KIAA0319L: variants seen among roughly 807,000 people sequenced by gnomAD.
The protein encoded by KIAA0319L is dyslexia-associated protein KIAA0319-like protein.
In KIAA0319L, 55 loss-of-function variants were observed where a neutral mutation model predicts 120.1. That is an observed-to-expected ratio of 0.46 (90% CI 0.37 to 0.57). The LOEUF (loss-of-function observed/expected upper bound fraction) is 0.57, where lower values mean the gene tolerates loss of function less well. Ranked by LOEUF, KIAA0319L falls within the 20% of genes least tolerant of loss-of-function variation. The pLI is 0.00. For missense variants in KIAA0319L, 1,049 were observed against 1,255.3 expected, an observed-to-expected ratio of 0.84 and a Z score of 2.48; for synonymous variants, 398 against 471.9, an observed-to-expected ratio of 0.84 and a Z score of 2.03.
chr1:35,457,967 G>C (rs961042977), intron 9 of KIAA0319L, among the ~76,000 whole-genome samples: 1 of 152,132 alleles, frequency 6.6e-6, no homozygotes, highest in South Asian at 2.1e-4. Flanking sequence ...ACGGAGTCTC[G>C]CTCTGTCGCC....
Position 35,533,289 on chromosome 1 carries a change from C to T in KIAA0319L, c.142+21061G>A, listed in dbSNP as rs554004003. On this transcript the variant is annotated intron_variant, in intron 2 of 20. Coordinates refer to ENST00000325722, the MANE Select transcript of KIAA0319L (RefSeq NM_024874.5). Reference sequence around the variant, plus strand: ...TTTCAGGAGTCATACTGTTAGTGTCCAGAAATGTAAATTCTAACTAAATTC... The same window carrying T: ...TTTCAGGAGTCATACTGTTAGTGTCTAGAAATGTAAATTCTAACTAAATTC... 6.6e-5 allele frequency: 10 copies of T among 151,646 alleles called. No individual in the cohort carries two copies. In the South Asian group the frequency reaches 2.1e-3, roughly 32 times the overall value. The allele number at this position is 151,646 out of a possible 1,614,324, so 9.4% of individuals were successfully genotyped here. A position where few individuals can be genotyped will look rare whatever the true frequency, so the allele number is the denominator to read the frequency against.
At chr1:35,511,860 T>C (rs1645459438) in intron 2 of KIAA0319L, among the ~76,000 whole-genome samples, 1 of 152,086 alleles carries the variant, frequency 6.6e-6, no homozygotes, top group Non-Finnish European at 1.5e-5. Context: ...CATAGAAATA[T>C]CCCCCCTCAT....
chr1:35,547,136 A>G (rs1049333001), intron 2 of KIAA0319L, among the ~76,000 whole-genome samples: 1 of 145,998 alleles, frequency 6.8e-6, no homozygotes, highest in Non-Finnish European at 1.5e-5. Context: ...TCCACTATTT[A>G]TATATGTAAT....
chr1:35,518,127 A>C (rs1395824680), intron 2 of KIAA0319L, among the ~76,000 whole-genome samples: 1 of 152,230 alleles, frequency 6.6e-6, no homozygotes, highest in Non-Finnish European at 1.5e-5. Flanking sequence ...TGGGAGTATA[A>C]ATTAGTTCAA....
At chr1:35,478,744 TG>T (rs1427129003) in intron 4 of KIAA0319L, among the ~76,000 whole-genome samples, 2 of 152,228 alleles carry the variant, frequency 1.3e-5, no homozygotes, top group Non-Finnish European at 2.9e-5. Flanking sequence ...CAGTGGAATC[TG>T]GATCTGTGAA....
intron 2 of KIAA0319L, among the ~76,000 whole-genome samples, chr1:35,527,311 C>T (rs944419163): frequency 6.6e-6 from 1 of 152,256 alleles, no homozygotes; most frequent in South Asian, 2.1e-4. Context: ...AGGATTTCTG[C>T]ATCTATGTTC....
chr1:35,471,972 C>T (rs1033921900), intron 5 of KIAA0319L, among the ~76,000 whole-genome samples: 4 of 152,054 alleles, frequency 2.6e-5, no homozygotes, highest in Non-Finnish European at 5.9e-5. Flanking sequence ...CTCTCACAAA[C>T]GTATATAGTA....
intron 20 of KIAA0319L, chr1:35,435,621 A>G (rs10157137): frequency 0.073 from 11,205 of 152,834 alleles, 919 homozygotes; most frequent in East Asian, 0.25. Context: ...GTAGGTGCAC[A>G]CTTGGACAGG....
intron 15 of KIAA0319L, among the ~76,000 whole-genome samples, chr1:35,449,184 T>C (rs1467275004): frequency 6.6e-6 from 1 of 152,204 alleles, no homozygotes; most frequent in Non-Finnish European, 1.5e-5. Flanking sequence ...GTCCAAAACA[T>C]CCATATATGA....
intron 3 of KIAA0319L, among the ~76,000 whole-genome samples, chr1:35,500,940 A>ATT (rs111544856): frequency 6.9e-6 from 1 of 144,148 alleles, no homozygotes. Context: ...ACTTTGCCCC[A>ATT]TTTTTTTTTT....
At chr1:35,496,946 C>CAAAAAAAAAAAAAA (rs1558484218) in intron 3 of KIAA0319L, among the ~76,000 whole-genome samples, 1 of 64,394 alleles carries the variant, frequency 1.6e-5, no homozygotes, top group African/African-American at 1.2e-4. Flanking sequence ...GATTGTGTCT[C>CAAAAAAAAAAAAAA]CAAAAAAAAA....
chr1:35,539,255 G>T (rs928028365), intron 2 of KIAA0319L, among the ~76,000 whole-genome samples: 2 of 152,184 alleles, frequency 1.3e-5, no homozygotes, highest in Non-Finnish European at 2.9e-5. Flanking sequence ...AACAGCTTGG[G>T]AACGGAAAGG....
At chr1:35,507,201 C>A (rs1201715533) in intron 2 of KIAA0319L, 66 bp from the exon 3 acceptor site, 3 of 1,435,828 alleles carry the variant, frequency 2.1e-6, no homozygotes, top group Admixed American at 2.5e-5. Flanking sequence ...CCATAAAGAG[C>A]CCTGAGAACC....
At chr1:35,462,152 G>T (rs966305079) in intron 8 of KIAA0319L, among the ~76,000 whole-genome samples, 6 of 152,080 alleles carry the variant, frequency 3.9e-5, no homozygotes, top group African/African-American at 1.2e-4. Context: ...CCCAGACCAG[G>T]GTGTGGAGTG....
intron 20 of KIAA0319L, among the ~76,000 whole-genome samples, chr1:35,436,735 G>C (rs546371045): frequency 6.6e-6 from 1 of 152,184 alleles, no homozygotes; most frequent in African/African-American, 2.4e-5. Flanking sequence ...GGCCTCCTGA[G>C]GGGGGCAGCC....
intron 2 of KIAA0319L, among the ~76,000 whole-genome samples, chr1:35,554,110 C>G (rs1425861628): frequency 6.6e-6 from 1 of 152,158 alleles, no homozygotes; most frequent in Middle Eastern, 3.2e-3. Flanking sequence ...TGACTTTTAT[C>G]AAGTCTTAAA....
At position 35,434,490 on chromosome 1, in the gene KIAA0319L, T is replaced by C. The variant is rs1268280954; in HGVS notation, c.*404A>G. ...CTCTACCCCAGAGAGGGAAACACCA[T>C]GCCCACAGTGCTTGGTTTTGCACTC... On this transcript the variant is annotated 3_prime_UTR_variant, in exon 21 of 21. Coordinates refer to ENST00000325722, the MANE Select transcript of KIAA0319L (RefSeq NM_024874.5). 1 of 167,462 alleles carries C rather than the reference T, an allele frequency of 6.0e-6. No homozygotes were observed. Among genetic ancestry groups the C allele is most frequent in the East Asian group, 1.7e-4 (1 of 5,796 alleles). 10.4% of individuals were successfully genotyped at this position (167,462 alleles called of 1,614,324 possible). A position where few individuals can be genotyped will look rare whatever the true frequency, so the allele number is the denominator to read the frequency against.
intron 3 of KIAA0319L, among the ~76,000 whole-genome samples, chr1:35,501,338 C>A (rs1644997744): frequency 6.6e-6 from 1 of 152,180 alleles, no homozygotes; most frequent in African/African-American, 2.4e-5. Context: ...CCATAATTAT[C>A]CTATAGTATG....
intron 2 of KIAA0319L, among the ~76,000 whole-genome samples, chr1:35,527,020 C>T (rs1271415850): frequency 6.6e-6 from 1 of 152,070 alleles, no homozygotes; most frequent in African/African-American, 2.4e-5. Context: ...TGAGGCTGTT[C>T]CTTCTATGCC....
Sources: allele counts gnomAD v4.1 joint callset (sites outside exome capture counted in the v4.1 genomes callset), GRCh38; gene constraint gnomAD v4.1.1; transcripts MANE v1.5; gene names NCBI Gene and HGNC (gene_info 2026-07-23, HGNC 2026-07-21).